Variants in FRMPD2 observed in about 807,000 individuals in gnomAD.
FRMPD2 encodes the protein FERM and PDZ domain containing 2.
A neutral mutation model predicts 140.1 loss-of-function variants in FRMPD2; 96 were observed. That is an observed-to-expected ratio of 0.69 (90% CI 0.58 to 0.81). The LOEUF is 0.81. Ranked by LOEUF, FRMPD2 falls within the 40% of genes least tolerant of loss-of-function variation. The pLI is 0.00. For synonymous variants in FRMPD2, 449 were observed against 547.6 expected (o/e 0.82, Z 2.52); for missense variants, 1,240 against 1,447.4 (o/e 0.86, Z 2.32).
chr10:48,262,346 C>A (rs200423456), intron 1 of FRMPD2, among the ~76,000 whole-genome samples: 1 of 152,282 alleles, frequency 6.6e-6, no homozygotes, highest in East Asian at 1.9e-4. Context: ...GAGTAACCAT[C>A]TTAACTTCAG....
Position 48,246,757 on chromosome 10 carries a change from C to T in FRMPD2, c.310-1908G>A, listed in dbSNP as rs542118463. Reference sequence around the variant, plus strand: ...GCACAGCCTGTCCAGGGACCATTCTCCTAGCTCCTAGCTGCCCAACCAACC... The same window carrying T: ...GCACAGCCTGTCCAGGGACCATTCTTCTAGCTCCTAGCTGCCCAACCAACC... On this transcript the variant is annotated intron_variant, in intron 3 of 28. Transcript: ENST00000374201. Among the ~76,000 whole-genome samples the T allele has an allele frequency of 5.9e-5, 9 of 152,336 alleles. No individual in the cohort carries two copies. In the East Asian group the frequency reaches 1.7e-3, roughly 29 times the overall value.
At chr10:48,187,604 T>C (rs919779340) in intron 16 of FRMPD2, among the ~76,000 whole-genome samples, 1 of 152,222 alleles carries the variant, frequency 6.6e-6, no homozygotes, top group Non-Finnish European at 1.5e-5. Context: ...ACCTCCATTT[T>C]TTCAACCATA....
chr10:48,201,731 T>C (rs983728869), intron 14 of FRMPD2: 1 of 160,716 alleles, frequency 6.2e-6, no homozygotes, highest in East Asian at 1.8e-4. Context: ...GTATTCCCAT[T>C]GTTTTTATTG....
At chr10:48,214,406 CA>C (rs1170010370) in intron 12 of FRMPD2, among the ~76,000 whole-genome samples, 1 of 152,150 alleles carries the variant, frequency 6.6e-6, no homozygotes, top group East Asian at 1.9e-4. Flanking sequence ...GAGTAAACCT[CA>C]GTGTAAACTA....
At position 48,201,403 on chromosome 10, in the gene FRMPD2, G is replaced by T. The variant is rs1310905592; in HGVS notation, c.1798-19C>A. 5.0e-6 allele frequency: 8 copies of T among 1,611,810 alleles called. No individual in the cohort carries two copies. Among genetic ancestry groups the T allele is most frequent in the Non-Finnish European group, 6.8e-6 (8 of 1,178,752 alleles). ...TTTTTTGCTGAAGGAAGCAAACACA[G>T]ACTTTAATACACTGATCATCCACAA... On this transcript the variant is annotated intron_variant, in intron 14 of 28. Transcript: ENST00000374201.
intron 1 of FRMPD2, among the ~76,000 whole-genome samples, chr10:48,267,724 A>C (rs1338247690): frequency 6.6e-6 from 1 of 152,252 alleles, no homozygotes; most frequent in East Asian, 1.9e-4. Context: ...ATTTATAACC[A>C]AAAAGTGGAA....
intron 9 of FRMPD2, among the ~76,000 whole-genome samples, chr10:48,235,759 G>A (rs1839953219): frequency 6.6e-6 from 1 of 152,222 alleles, no homozygotes; most frequent in African/African-American, 2.4e-5. Context: ...GGCCCCAACT[G>A]GGCCCTGGAC....
chr10:48,227,691 T>C (rs1839755352), intron 10 of FRMPD2, among the ~76,000 whole-genome samples: 1 of 152,196 alleles, frequency 6.6e-6, no homozygotes, highest in African/African-American at 2.4e-5. Flanking sequence ...TCTAAAAGTA[T>C]TTTTAGAGAG....
chr10:48,268,365 T>C (rs1840713074), intron 1 of FRMPD2, among the ~76,000 whole-genome samples: 1 of 152,186 alleles, frequency 6.6e-6, no homozygotes, highest in Non-Finnish European at 1.5e-5. Context: ...ACTCTTACTA[T>C]ACAACTGAGC....
chr10:48,256,187 T>C (rs1588857837), intron 1 of FRMPD2, among the ~76,000 whole-genome samples: 1 of 152,126 alleles, frequency 6.6e-6, no homozygotes, highest in East Asian at 1.9e-4. Flanking sequence ...ATGGTTTTAA[T>C]CAAGGGCAAA....
chr10:48,215,190 TC>T (rs1839417660), intron 12 of FRMPD2, among the ~76,000 whole-genome samples: 1 of 152,180 alleles, frequency 6.6e-6, no homozygotes, highest in Admixed American at 6.5e-5. Context: ...GAACCATTTA[TC>T]AAACAAAACA....
intron 10 of FRMPD2, among the ~76,000 whole-genome samples, chr10:48,229,836 A>T (rs1588842822): frequency 2.0e-5 from 3 of 152,172 alleles, no homozygotes; most frequent in Admixed American, 2.0e-4. Context: ...ACGCATTTGC[A>T]ATCAGCTACA....
At chr10:48,218,890 C>A (rs929373129) in intron 12 of FRMPD2, among the ~76,000 whole-genome samples, 1 of 152,202 alleles carries the variant, frequency 6.6e-6, no homozygotes, top group Non-Finnish European at 1.5e-5. Context: ...CAGAACCCTT[C>A]AATTTTGCAA....
rs74542417 is a variant in FRMPD2 at position 48,263,336 on chromosome 10, A to G, written c.25+11207T>C. Among the ~76,000 whole-genome samples the G allele has an allele frequency of 5.9e-3, 905 of 152,262 alleles. 8 individuals are homozygous for G. Among genetic ancestry groups the G allele is most frequent in the South Asian group, 0.025 (119 of 4,830 alleles). On this transcript the variant is annotated intron_variant, in intron 1 of 28. Transcript: ENST00000374201. ...ATTAGAACAGAAATCAATAAAATTG[A>G]AAACAGAAAAACAATAGAGAAAATC...
intron 1 of FRMPD2, among the ~76,000 whole-genome samples, chr10:48,252,819 T>C (rs939585942): frequency 1.4e-4 from 22 of 152,204 alleles, no homozygotes; most frequent in Admixed American, 1.3e-3. Context: ...TAAAAAGTGA[T>C]GAATTAGAAG....
intron 14 of FRMPD2, among the ~76,000 whole-genome samples, chr10:48,204,447 CAG>C (rs550076995): frequency 4.6e-5 from 7 of 152,182 alleles, no homozygotes; most frequent in Non-Finnish European, 1.0e-4. Context: ...ATAATAAAAA[CAG>C]ATTTCAATCC....
intron 2 of FRMPD2, among the ~76,000 whole-genome samples, chr10:48,250,184 C>T (rs533261267): frequency 2.6e-5 from 4 of 152,288 alleles, no homozygotes; most frequent in South Asian, 4.1e-4. Flanking sequence ...ACCTGCAGTG[C>T]GTGCTCCCTA....
At chr10:48,166,547 G>T (rs1838104687) in intron 27 of FRMPD2, among the ~76,000 whole-genome samples, 1 of 122,176 alleles carries the variant, frequency 8.2e-6, no homozygotes, top group Admixed American at 8.0e-5. Context: ...AGGCCCTCCA[G>T]GGTCCCTGCC....
intron 6 of FRMPD2, among the ~76,000 whole-genome samples, chr10:48,239,989 G>T (rs1840065584): frequency 6.6e-6 from 1 of 151,988 alleles, no homozygotes; most frequent in Non-Finnish European, 1.5e-5. Context: ...GAAAAGTAGA[G>T]AACAGTAGAT....
Sources: allele counts gnomAD v4.1 joint callset (sites outside exome capture counted in the v4.1 genomes callset), GRCh38; gene constraint gnomAD v4.1.1; transcripts MANE v1.5; gene names NCBI Gene and HGNC (gene_info 2026-07-23, HGNC 2026-07-21).